The following MGAT4A variants were observed in gnomAD, a reference collection of about 807,000 sequenced individuals.
MGAT4A encodes the protein alpha-1,3-mannosyl-glycoprotein 4-beta-N-acetylglucosaminyltransferase A.
MGAT4A carries 33 observed loss-of-function variants against 74.1 expected under a neutral mutation model. The ratio of observed to expected loss-of-function variants is 0.45; its 90% CI spans 0.34 to 0.60. MGAT4A has a LOEUF of 0.60. Among genes scored for constraint, MGAT4A ranks in the 20% least tolerant of loss-of-function variants. MGAT4A has a pLI of 0.02. For missense variants in MGAT4A, 479 were observed against 628.3 expected (o/e 0.76, Z 2.54); for synonymous variants, 198 against 210.4 (o/e 0.94, Z 0.51).
chr2:98,717,842 A>T (rs1702612678), intron 2 of MGAT4A, among the ~76,000 whole-genome samples: 1 of 152,240 alleles, frequency 6.6e-6, no homozygotes, highest in South Asian at 2.1e-4. Flanking sequence ...AGTGCCTGGC[A>T]TGCCGAAGGC....
chr2:98,657,928 A>T (rs1299916276), intron 6 of MGAT4A, among the ~76,000 whole-genome samples: 1 of 152,026 alleles, frequency 6.6e-6, no homozygotes, highest in Non-Finnish European at 1.5e-5. Context: ...ATCTCATATG[A>T]CTCTCTCTGT....
chr2:98,715,857 A>G (rs887268921), intron 2 of MGAT4A, among the ~76,000 whole-genome samples: 27 of 152,342 alleles, frequency 1.8e-4, no homozygotes, highest in Admixed American at 3.9e-4. Context: ...AAAGTATGAT[A>G]AGAAACAGGA....
chr2:98,692,071 T>G (rs1050970793), intron 2 of MGAT4A, among the ~76,000 whole-genome samples: 2 of 152,232 alleles, frequency 1.3e-5, no homozygotes, highest in Non-Finnish European at 2.9e-5. Context: ...TTTTTTAAGT[T>G]AAAAAGTTAC....
intron 4 of MGAT4A, among the ~76,000 whole-genome samples, chr2:98,673,544 A>C (rs1328273946): frequency 6.6e-6 from 1 of 152,156 alleles, no homozygotes; most frequent in Admixed American, 6.5e-5. Flanking sequence ...TCTACCTTTC[A>C]AAAATAGTAG....
intron 9 of MGAT4A, 28 bp from the exon 10 acceptor site, chr2:98,644,081 G>A: frequency 6.5e-7 from 1 of 1,530,328 alleles, no homozygotes; most frequent in Non-Finnish European, 8.9e-7. Flanking sequence ...GTCAATAGCT[G>A]CAATGAAGAA....
At chr2:98,685,927 C>A (rs1702122911) in intron 2 of MGAT4A, among the ~76,000 whole-genome samples, 2 of 152,148 alleles carry the variant, frequency 1.3e-5, no homozygotes, top group African/African-American at 4.8e-5. Context: ...TAGACTCGAG[C>A]AACCTAGAAG....
At chr2:98,682,438 A>C (rs1484992263) in intron 2 of MGAT4A, among the ~76,000 whole-genome samples, 3 of 151,154 alleles carry the variant, frequency 2.0e-5, no homozygotes, top group Non-Finnish European at 4.4e-5. Flanking sequence ...AAAAAAAAAA[A>C]AAAAAAAAAC....
intron 2 of MGAT4A, among the ~76,000 whole-genome samples, chr2:98,704,270 T>C (rs1388920631): frequency 6.6e-6 from 1 of 152,234 alleles, no homozygotes; most frequent in Non-Finnish European, 1.5e-5. Flanking sequence ...AAGCTCTATG[T>C]AAGCAGTCGC....
chr2:98,647,015 G>C (rs142200198), intron 8 of MGAT4A, among the ~76,000 whole-genome samples: 41 of 152,302 alleles, frequency 2.7e-4, no homozygotes, highest in African/African-American at 9.4e-4. Context: ...CTTTCTTTAA[G>C]AACTGTTTTT....
rs1701955848 is a variant in MGAT4A, at chr2:98,674,771, G to A, written c.403+264C>T. On this transcript the variant is annotated intron_variant, in intron 4 of 15. Transcript: ENST00000393487. ...CTGTACTTCCCAAGTTTCTTAAACA[G>A]AAAAATGACAAAGGTGTCAACATTT... Among the ~76,000 whole-genome samples the A allele has an allele frequency of 7.2e-5, 11 of 152,164 alleles. No individual in the cohort carries two copies. The South Asian group carries it at 1.0e-3, about 14-fold the overall frequency.
chr2:98,730,113 G>C (rs1373873872), intron 1 of MGAT4A: 1 of 152,178 alleles, frequency 6.6e-6, no homozygotes, highest in East Asian at 1.9e-4. Flanking sequence ...TCCAACGAAC[G>C]ACTGTCATTA....
intron 2 of MGAT4A, among the ~76,000 whole-genome samples, chr2:98,717,652 C>A (rs1278795566): frequency 6.6e-6 from 1 of 152,064 alleles, no homozygotes; most frequent in Non-Finnish European, 1.5e-5. Context: ...TATTTTTGTA[C>A]ATTTATTGTA....
intron 4 of MGAT4A, among the ~76,000 whole-genome samples, chr2:98,673,718 T>A (rs1375449839): frequency 6.6e-6 from 1 of 152,216 alleles, no homozygotes; most frequent in Non-Finnish European, 1.5e-5. Context: ...TTGGACATTT[T>A]AAATGACTTT....
intron 10 of MGAT4A, among the ~76,000 whole-genome samples, chr2:98,643,372 A>G (rs1397181798): frequency 1.3e-5 from 2 of 152,244 alleles, no homozygotes; most frequent in East Asian, 3.8e-4. Flanking sequence ...TGCTATCTGA[A>G]TGATCAAAGC....
At chr2:98,693,213 T>C (rs542108386) in intron 2 of MGAT4A, among the ~76,000 whole-genome samples, 1 of 152,032 alleles carries the variant, frequency 6.6e-6, no homozygotes, top group Non-Finnish European at 1.5e-5. Context: ...CTGGCAAAAC[T>C]ATCTGTAAGG....
At chr2:98,715,496 C>T (rs1464793623) in intron 2 of MGAT4A, among the ~76,000 whole-genome samples, 1 of 152,028 alleles carries the variant, frequency 6.6e-6, no homozygotes, top group Admixed American at 6.6e-5. Flanking sequence ...ATGTCCTCTG[C>T]AGGGACACAG....
intron 2 of MGAT4A, among the ~76,000 whole-genome samples, chr2:98,693,769 C>A: frequency 6.6e-6 from 1 of 151,864 alleles, no homozygotes; most frequent in East Asian, 1.9e-4. Flanking sequence ...AAACGTCAAC[C>A]CCTGTAGACC....
At chr2:98,668,578 C>T (rs1025979895) in intron 4 of MGAT4A, among the ~76,000 whole-genome samples, 3 of 152,108 alleles carry the variant, frequency 2.0e-5, no homozygotes, top group African/African-American at 7.2e-5. Context: ...GGGGTCAGAG[C>T]CCCCCCAGCA....
intron 14 of MGAT4A, among the ~76,000 whole-genome samples, chr2:98,627,522 T>C (rs1282140295): frequency 6.6e-6 from 1 of 152,114 alleles, no homozygotes; most frequent in Non-Finnish European, 1.5e-5. Context: ...ATTACAGGCA[T>C]GTGCCACCAC....
Sources: allele counts gnomAD v4.1 joint callset (sites outside exome capture counted in the v4.1 genomes callset), GRCh38; gene constraint gnomAD v4.1.1; transcripts MANE v1.5; gene names NCBI Gene and HGNC (gene_info 2026-07-23, HGNC 2026-07-21).